The following DNAH12 variants were observed in gnomAD, a reference collection of about 807,000 sequenced individuals.
DNAH12 encodes the protein axonemal beta dynein heavy chain 12.
A neutral mutation model predicts 371.5 loss-of-function variants in DNAH12; 285 were observed. That is an observed-to-expected ratio of 0.77 (90% CI 0.70 to 0.85). DNAH12 has a LOEUF of 0.85. Among genes scored for constraint, DNAH12 ranks in the 40% least tolerant of loss-of-function variants. The pLI, the probability that DNAH12 is intolerant of heterozygous loss-of-function variation, is 0.00. For missense variants in DNAH12, 3,611 were observed against 3,689.4 expected (o/e 0.98, Z 0.55); for synonymous variants, 1,200 against 1,213.0 (o/e 0.99, Z 0.22).
intron 59 of DNAH12, among the ~76,000 whole-genome samples, chr3:57,354,219 G>C (rs1358169260): frequency 1.3e-5 from 2 of 152,160 alleles, no homozygotes; most frequent in African/African-American, 4.8e-5. Flanking sequence ...GTCCTTTGGA[G>C]CTGGAGACCA....
chr3:57,487,351 G>A (rs1269431815), intron 12 of DNAH12, among the ~76,000 whole-genome samples: 1 of 108,738 alleles, frequency 9.2e-6, no homozygotes, highest in African/African-American at 3.6e-5. Context: ...GGGAGAGAGA[G>A]AGAGAAAGAA....
At chr3:57,326,886 C>CA (rs1235990261) in intron 62 of DNAH12, among the ~76,000 whole-genome samples, 13 of 151,746 alleles carry the variant, frequency 8.6e-5, no homozygotes, top group African/African-American at 2.7e-4. Context: ...AAATGGAAAA[C>CA]AAAAAAAGGC....
At chr3:57,480,733 G>A (rs141159636) in intron 13 of DNAH12, among the ~76,000 whole-genome samples, 1,752 of 152,228 alleles carry the variant, frequency 0.012, 20 homozygotes, top group South Asian at 0.048. Context: ...GATCAAGTGG[G>A]TTTCATCCCT....
chr3:57,538,376 A>G (rs1479702734), intron 2 of DNAH12, among the ~76,000 whole-genome samples: 1 of 152,218 alleles, frequency 6.6e-6, no homozygotes, highest in Non-Finnish European at 1.5e-5. Context: ...TAAGCACCAA[A>G]ATAAAAGTTG....
intron 4 of DNAH12, among the ~76,000 whole-genome samples, chr3:57,513,042 G>T (rs1230476487): frequency 6.6e-6 from 1 of 152,018 alleles, no homozygotes; most frequent in Non-Finnish European, 1.5e-5. Context: ...GGGAGGCTGA[G>T]GCAGAGAATT....
At chr3:57,317,992 AG>A in intron 65 of DNAH12, among the ~76,000 whole-genome samples, 1 of 152,196 alleles carries the variant, frequency 6.6e-6, no homozygotes, top group East Asian at 1.9e-4. Flanking sequence ...TCAAACCTTT[AG>A]CCCATTTTTA....
At chr3:57,382,446 T>TA (rs1298944447) in intron 49 of DNAH12, 53 bp from the exon 50 acceptor site, 1 of 151,390 alleles carries the variant, frequency 6.6e-6, no homozygotes, top group African/African-American at 2.4e-5. Flanking sequence ...AGTTTACTTT[T>TA]AAATAATGAA....
chr3:57,323,720 G>A, intron 62 of DNAH12, 101 bp from the exon 63 acceptor site: 6 of 1,260,336 alleles, frequency 4.8e-6, no homozygotes, highest in South Asian at 4.2e-5. Flanking sequence ...TGAGCCTAAT[G>A]GTCAAAAAAA....
At chr3:57,475,326 AAGAAAGAAAGAG>A (rs902036421) in intron 13 of DNAH12, among the ~76,000 whole-genome samples, 2 of 152,174 alleles carry the variant, frequency 1.3e-5, no homozygotes, top group Non-Finnish European at 2.9e-5. Flanking sequence ...CTCCAACAGG[AAGAAAGAAAGAG>A]AGAAAGAGAG....
At chr3:57,378,722 G>T (rs901108171) in intron 52 of DNAH12, among the ~76,000 whole-genome samples, 99,751 of 152,072 alleles carry the variant, frequency 0.66, 33,405 homozygotes, top group Non-Finnish European at 0.75. Flanking sequence ...TCTATGTCAA[G>T]GCATGTTCTT....
In DNAH12 at chr3:57,408,424, A is replaced by C; in HGVS notation, c.6132T>G (p.His2044Gln). 2.6e-6 allele frequency: 4 copies of C among 1,551,580 alleles called. No individual in the cohort carries two copies. The highest frequency in any genetic ancestry group is 3.5e-6 in the Non-Finnish European group (4 of 1,146,908). ...RNPVTPRCIRHFNICSINSFS... is the reference protein window; with the variant it reads ...RNPVTPRCIRQFNICSINSFS... ...AAGAATTAATACTGCAGATGTTGAA[A>C]TGTCGAATACAACGGGGAGTAACTG... The change falls in exon 40 of 74, where the codon CAT becomes CAG. Residue 2044 changes from histidine to glutamine, a missense_variant. His to Gln is a conservative substitution (Grantham distance 24). This residue lies in a region of DNAH12 where 2,266 missense variants were observed against 2,236.9 expected (regional missense o/e 1.01). Transcript: ENST00000495027.
intron 37 of DNAH12, among the ~76,000 whole-genome samples, chr3:57,416,251 A>AT (rs1401680098): frequency 1.3e-5 from 2 of 151,852 alleles, no homozygotes; most frequent in Non-Finnish European, 1.5e-5. Context: ...CACCAGGCTA[A>AT]TTTTTTTACT....
chr3:57,433,260 CCTTT>C (rs1403385225), intron 32 of DNAH12, 103 bp downstream of exon 32: 2 of 1,290,750 alleles, frequency 1.5e-6, no homozygotes, highest in Non-Finnish European at 1.0e-6. Context: ...CTTGCTGCAT[CCTTT>C]ATTTTTGCAT....
chr3:57,403,316 T>TC lies in DNAH12; in HGVS notation c.6940dup (p.Asp2314GlyfsTer26). Reference sequence around the variant, plus strand: ...GCTTCTTCATAATTTTACCTTCATATCCTCTCTCCATTCATTCATACCATA... The same window carrying TC: ...GCTTCTTCATAATTTTACCTTCATATCCCTCTCTCCATTCATTCATACCATA... On this transcript the variant is annotated frameshift_variant, in exon 43 of 74. Coordinates refer to ENST00000495027, the MANE Select transcript of DNAH12 (RefSeq NM_001366028.2). LOFTEE classifies it high-confidence loss of function. 1 of 1,542,226 alleles carries TC rather than the reference T, an allele frequency of 6.5e-7. No individual in the cohort carries two copies. The highest frequency in any genetic ancestry group is 1.4e-5 in the African/African-American group (1 of 72,482).
chr3:57,470,658 G>A, intron 15 of DNAH12, 22 bp from the exon 16 acceptor site: 1 of 1,501,112 alleles, frequency 6.7e-7, no homozygotes, highest in South Asian at 1.3e-5. Flanking sequence ...TAAGTTTTTT[G>A]TCTTAAAAAA....
At chr3:57,444,589 A>G in intron 29 of DNAH12, 108 bp downstream of exon 29, 1 of 1,469,154 alleles carries the variant, frequency 6.8e-7, no homozygotes, top group Non-Finnish European at 9.1e-7. Context: ...AAAATAGGGG[A>G]TTTTCCTCAA....
In DNAH12 at chr3:57,312,960, CT is replaced by C. The variant is rs367556039; in HGVS notation, c.10662+1533del. 3.1e-4 allele frequency among the ~76,000 whole-genome samples: 47 copies of C among 152,252 alleles called. No individual in the cohort carries two copies. The East Asian group carries it at 7.7e-3, about 25-fold the overall frequency. ...AGGTTGGTGTAAATATGATTAAATG[CT>C]TATAGCCTTACAAAAACCTACCTGA... On this transcript the variant is annotated intron_variant, in intron 66 of 73. Transcript: ENST00000495027.
intron 11 of DNAH12, among the ~76,000 whole-genome samples, chr3:57,492,140 C>T (rs957217048): frequency 1.3e-5 from 2 of 152,188 alleles, no homozygotes; most frequent in Non-Finnish European, 2.9e-5. Flanking sequence ...CCAGCCTGGA[C>T]AACAGAGACC....
In DNAH12 at chr3:57,382,284, T is replaced by A. The variant is rs2063409123; in HGVS notation, c.7970A>T (p.Asp2657Val). The A allele has an allele frequency of 6.6e-6, 1 of 152,182 alleles. No individual in the cohort carries two copies. Among genetic ancestry groups the A allele is most frequent in the African/African-American group, 2.4e-5 (1 of 41,438 alleles). The allele number at this position is 152,182 out of a possible 1,614,324, so 9.4% of individuals were successfully genotyped here. A position where few individuals can be genotyped will look rare whatever the true frequency, so the allele number is the denominator to read the frequency against. ...MKDIKPEKIS[D>V]PSGTGGKILD... ...TACCTTGCCTCCAGTCCCTGAAGGA[T>A]CTGAAATTTTTTCTGGTTTTATATC... Residue 2657 changes from aspartate to valine, a missense_variant, in exon 50 of 74, where the codon GAT (aspartate) becomes GTT (valine). Asp to Val is a radical substitution (Grantham distance 152). Around this residue, in one of 3 missense-constraint regions of DNAH12, gnomAD observed 2,266 missense variants for 2,236.9 expected, o/e 1.01. Transcript: ENST00000495027.
Sources: gnomAD v4.1 joint callset for allele counts (sites outside exome capture counted in the v4.1 genomes callset) on GRCh38, gnomAD v4.1.1 for gene constraint, gnomAD v4.1.1 regional missense constraint, MANE v1.5 for transcripts, NCBI Gene and HGNC (gene_info 2026-07-23, HGNC 2026-07-21) for gene names.